Variants in EYA1 observed in about 807,000 individuals in gnomAD.
The protein encoded by EYA1 is EYA transcriptional coactivator and phosphatase 1.
A neutral mutation model predicts 82.0 loss-of-function variants in EYA1; 16 were observed. The observed-to-expected ratio is 0.20, with a 90% CI of 0.13 to 0.30. The LOEUF (loss-of-function observed/expected upper bound fraction) is 0.30. Ranked by LOEUF, EYA1 falls within the 10% of genes least tolerant of loss-of-function variation. The pLI is 1.00. For synonymous variants in EYA1, 261 were observed against 264.4 expected, an observed-to-expected ratio of 0.99 and a Z score of 0.12; for missense variants, 633 against 730.7, an observed-to-expected ratio of 0.87 and a Z score of 1.54.
chr8:71,374,963 G>A (rs1305613704), intron 2 of EYA1, among the ~76,000 whole-genome samples: 2 of 152,144 alleles, frequency 1.3e-5, no homozygotes, highest in African/African-American at 4.8e-5. Flanking sequence ...CATAGAAAGA[G>A]TATAATGTGG....
chr8:71,539,664 A>G (rs950594312), intron 1 of EYA1, among the ~76,000 whole-genome samples: 1 of 152,212 alleles, frequency 6.6e-6, no homozygotes. Context: ...TTTGCTGACC[A>G]TGAATGAAGG....
intron 12 of EYA1, among the ~76,000 whole-genome samples, chr8:71,229,737 C>A (rs2128878773): frequency 6.6e-6 from 1 of 152,314 alleles, no homozygotes; most frequent in South Asian, 2.1e-4. Flanking sequence ...CCAATTCCAT[C>A]CCTCAGAAGT....
At chr8:71,413,764 T>C (rs1362710510) in intron 2 of EYA1, among the ~76,000 whole-genome samples, 1 of 152,222 alleles carries the variant, frequency 6.6e-6, no homozygotes, top group African/African-American at 2.4e-5. Flanking sequence ...ATGTTTGTGA[T>C]TAGGTATGTT....
chr8:71,391,658 C>G (rs908326395), intron 2 of EYA1, among the ~76,000 whole-genome samples: 8 of 152,164 alleles, frequency 5.3e-5, no homozygotes, highest in Non-Finnish European at 7.3e-5. Flanking sequence ...CAAGTTCTAT[C>G]TTACCTTCTT....
At chr8:71,396,809 T>C (rs1355834544) in intron 2 of EYA1, among the ~76,000 whole-genome samples, 1 of 152,242 alleles carries the variant, frequency 6.6e-6, no homozygotes, top group Non-Finnish European at 1.5e-5. Flanking sequence ...TAGGTCATCT[T>C]GGTGCAGAGC....
At chr8:71,497,883 A>G (rs1811533944) in intron 2 of EYA1, among the ~76,000 whole-genome samples, 1 of 152,236 alleles carries the variant, frequency 6.6e-6, no homozygotes, top group African/African-American at 2.4e-5. Flanking sequence ...TCAGCCATAA[A>G]AAGGAAATCC....
intron 2 of EYA1, chr8:71,529,504 A>G (rs1391238332): frequency 1.3e-5 from 2 of 152,180 alleles, no homozygotes; most frequent in Non-Finnish European, 2.9e-5. Context: ...ATGAGGTAGG[A>G]TCAGATATGT....
intron 3 of EYA1, among the ~76,000 whole-genome samples, chr8:71,353,564 G>GAATA (rs1303427292): frequency 6.7e-4 from 102 of 152,188 alleles, no homozygotes; most frequent in African/African-American, 2.4e-3. Context: ...GAAAAATGCA[G>GAATA]AATATTTACA....
intron 6 of EYA1, among the ~76,000 whole-genome samples, chr8:71,319,042 C>G (rs181849480): frequency 6.6e-6 from 1 of 152,130 alleles, no homozygotes; most frequent in Non-Finnish European, 1.5e-5. Flanking sequence ...ATGTTGTCAC[C>G]CCTAGGGATT....
chr8:71,331,979 C>G (rs1823931585), intron 4 of EYA1, among the ~76,000 whole-genome samples: 1 of 152,164 alleles, frequency 6.6e-6, no homozygotes, highest in South Asian at 2.1e-4. Context: ...TCCTTAGTAG[C>G]TGGGACCACA....
chr8:71,299,008 A>T (rs755538854), intron 9 of EYA1, 39 bp downstream of exon 9: 2 of 1,593,018 alleles, frequency 1.3e-6, no homozygotes, highest in African/African-American at 2.7e-5. Context: ...AAACCATTGA[A>T]AATATCACCT....
rs549287077 is a variant in EYA1, at chr8:71,509,051, G to A, written c.33+26693C>T. On this transcript the variant is annotated intron_variant, in intron 2 of 18. Coordinates refer to the EYA1 transcript ENST00000643681. ...AGCCTGGACAGCACAGAGAAACCCC[G>A]TCTTTACAAAAAATACAAAAATTAG... is the stretch of plus-strand genomic sequence containing the variant. 4.6e-5 allele frequency among the ~76,000 whole-genome samples: 7 copies of A among 151,982 alleles called. No individual in the cohort carries two copies. In the East Asian group the frequency reaches 7.8e-4, roughly 17 times the overall value.
intron 12 of EYA1, among the ~76,000 whole-genome samples, chr8:71,226,389 C>T (rs947745180): frequency 3.3e-5 from 5 of 151,850 alleles, no homozygotes; most frequent in East Asian, 3.9e-4. Context: ...TTTCACTGTG[C>T]GTGGAGTTCC....
chr8:71,425,052 A>G (rs1831345555), intron 2 of EYA1, among the ~76,000 whole-genome samples: 1 of 146,054 alleles, frequency 6.8e-6, no homozygotes, highest in Non-Finnish European at 1.5e-5. Flanking sequence ...CGAGGTCAGG[A>G]GATCGAGACT....
intron 1 of EYA1, chr8:71,356,731 G>A (rs954135092): frequency 1.9e-5 from 23 of 1,226,342 alleles, no homozygotes; most frequent in Non-Finnish European, 2.2e-5. Context: ...GTCAGGGGGG[G>A]AAGGCAGCCA....
chr8:71,367,552 GAA>G (rs3066860), intron 2 of EYA1, among the ~76,000 whole-genome samples: 58,670 of 135,460 alleles, frequency 0.43, 12,014 homozygotes, highest in African/African-American at 0.45. Flanking sequence ...TCCCAAATCG[GAA>G]AAAAAAAAAA....
At chr8:71,538,954 T>A (rs12680766) in intron 1 of EYA1, among the ~76,000 whole-genome samples, 111,616 of 151,956 alleles carry the variant, frequency 0.73, 42,549 homozygotes, top group East Asian at 0.99. Flanking sequence ...GCATCTACCC[T>A]AAATGGCCAA....
At chr8:71,493,463 A>G (rs1811168799) in intron 2 of EYA1, among the ~76,000 whole-genome samples, 1 of 152,176 alleles carries the variant, frequency 6.6e-6, no homozygotes, top group Admixed American at 6.5e-5. Flanking sequence ...AAACAGTAAA[A>G]CAGTCCTTAA....
intron 9 of EYA1, among the ~76,000 whole-genome samples, chr8:71,293,293 T>C (rs1819203661): frequency 6.6e-6 from 1 of 152,136 alleles, no homozygotes; most frequent in Non-Finnish European, 1.5e-5. Flanking sequence ...AGCCAACAAT[T>C]AATCTTTCAA....
Sources: allele counts gnomAD v4.1 joint callset (sites outside exome capture counted in the v4.1 genomes callset), GRCh38; gene constraint gnomAD v4.1.1; transcripts MANE v1.5; gene names NCBI Gene and HGNC (gene_info 2026-07-23, HGNC 2026-07-21).